ZBTB20: variants seen among roughly 807,000 people sequenced by gnomAD.
The protein encoded by ZBTB20 is zinc finger and BTB domain containing 20.
In ZBTB20, 9 loss-of-function variants were observed where a neutral mutation model predicts 56.9. That is an observed-to-expected ratio of 0.16 (90% CI 0.10 to 0.28). ZBTB20 has a LOEUF of 0.28. ZBTB20 is among the 10% of genes least tolerant of loss of function. The pLI is 1.00. For synonymous variants in ZBTB20, 417 were observed against 420.7 expected (o/e 0.99, Z 0.11); for missense variants, 655 against 1,003.0 (o/e 0.65, Z 4.69).
intron 6 of ZBTB20, among the ~76,000 whole-genome samples, chr3:114,612,281 T>C (rs905274243): frequency 1.3e-5 from 2 of 152,176 alleles, no homozygotes; most frequent in Non-Finnish European, 2.9e-5. Flanking sequence ...TCGTTATTGC[T>C]CATGTTGGTG....
Position 114,334,696 on chromosome 3 carries a change from G to A in ZBTB20, c.*4309C>T, listed in dbSNP as rs1187164499. On this transcript the variant is annotated 3_prime_UTR_variant, in exon 12 of 12. Transcript: ENST00000675478. Reference sequence around the variant, plus strand: ...GGCCAAGAGCTACTATGATCTCTAAGATGACTAGGAATGAACTGAGGCTAG... The same window carrying A: ...GGCCAAGAGCTACTATGATCTCTAAAATGACTAGGAATGAACTGAGGCTAG... 2 of 152,310 alleles carry A rather than the reference G, an allele frequency of 1.3e-5. No individual in the cohort carries two copies. Among genetic ancestry groups the A allele is most frequent in the Admixed American group, 6.5e-5 (1 of 15,304 alleles). 9.4% of individuals were successfully genotyped at this position (152,310 alleles called of 1,614,324 possible). A position where few individuals can be genotyped will look rare whatever the true frequency, so the allele number is the denominator to read the frequency against.
chr3:114,405,945 T>TTA (rs1553703955), intron 7 of ZBTB20, among the ~76,000 whole-genome samples: 1 of 151,720 alleles, frequency 6.6e-6, no homozygotes, highest in African/African-American at 2.4e-5. Context: ...CATTTTTTTT[T>TTA]AAAAAACAGC....
Position 114,849,881 on chromosome 3 carries a change from C to T in ZBTB20, c.-416-48707G>A, listed in dbSNP as rs556233417. 8.3e-5 allele frequency among the ~76,000 whole-genome samples: 12 copies of T among 144,954 alleles called. No homozygotes were observed. The East Asian group carries it at 2.5e-3, about 30-fold the overall frequency. ...TCTTAATAACAGCCCCAAATTAAGGCAATAGAATCAGGAAATCTTTTTTTT... is the reference window on the plus strand; with the variant it reads ...TCTTAATAACAGCCCCAAATTAAGGTAATAGAATCAGGAAATCTTTTTTTT... On this transcript the variant is annotated intron_variant, in intron 4 of 11. Transcript: ENST00000675478.
rs1399795075 is a variant in ZBTB20, at chr3:115,071,245, A to G, written c.-533T>C. 6.6e-6 allele frequency: 1 copy of G among 152,178 alleles called. No homozygotes were observed. The highest frequency in any genetic ancestry group is 1.5e-5 in the Non-Finnish European group (1 of 68,034). 9.4% of individuals were successfully genotyped at this position (152,178 alleles called of 1,614,324 possible). On this transcript the variant is annotated 5_prime_UTR_variant, in exon 2 of 12. Coordinates refer to ENST00000675478, the MANE Select transcript of ZBTB20 (RefSeq NM_001348800.3). ...GTGGCATGGATGACGGAGCAGAAATAGAGAATTCTTGATTAACCAGGAGAA... is the reference window on the plus strand; with the variant it reads ...GTGGCATGGATGACGGAGCAGAAATGGAGAATTCTTGATTAACCAGGAGAA...
intron 4 of ZBTB20, among the ~76,000 whole-genome samples, chr3:114,837,222 A>G (rs1291270674): frequency 6.6e-6 from 1 of 152,190 alleles, no homozygotes; most frequent in East Asian, 1.9e-4. Context: ...TTCTCTTAGA[A>G]CTAATTACTA....
intron 5 of ZBTB20, among the ~76,000 whole-genome samples, chr3:114,750,035 T>C (rs1300686482): frequency 6.6e-6 from 1 of 152,200 alleles, no homozygotes; most frequent in East Asian, 1.9e-4. Flanking sequence ...TTAGCAATAC[T>C]CTTTAGAGAT....
At chr3:114,817,500 AAG>A (rs1423620844) in intron 4 of ZBTB20, among the ~76,000 whole-genome samples, 1 of 150,800 alleles carries the variant, frequency 6.6e-6, no homozygotes, top group Non-Finnish European at 1.5e-5. Context: ...CCTGGGCAAA[AAG>A]AGAGAAACTC....
In ZBTB20 at chr3:115,130,463, C is replaced by A. The variant is rs78514955; in HGVS notation, c.-703+16756G>T. 5.9e-3 allele frequency among the ~76,000 whole-genome samples: 906 copies of A among 152,302 alleles called. 13 individuals carry two copies. Among genetic ancestry groups the A allele is most frequent in the African/African-American group, 0.021 (877 of 41,554 alleles). On this transcript the variant is annotated intron_variant, in intron 1 of 11. Transcript: ENST00000675478. ...CACTGAACAAAGTGAAACATACGCT[C>A]TAAGTTTTATCAAGGGATATCAACT...
At chr3:114,496,276 T>C (rs2043272555) in intron 7 of ZBTB20, among the ~76,000 whole-genome samples, 1 of 152,136 alleles carries the variant, frequency 6.6e-6, no homozygotes, top group Admixed American at 6.5e-5. Flanking sequence ...TGGCAGTAGG[T>C]TGGCTGTGGC....
rs764631264 is a variant in ZBTB20 at position 115,132,942 on chromosome 3, GTTA to G, written c.-703+14274_-703+14276del. Among the ~76,000 whole-genome samples the G allele has an allele frequency of 6.6e-4, 100 of 152,128 alleles. No individual in the cohort carries two copies. In the Middle Eastern group the frequency reaches 0.014, roughly 21 times the overall value. On this transcript the variant is annotated intron_variant, in intron 1 of 11. Transcript: ENST00000675478. Reference sequence around the variant, plus strand: ...TATATTTTAAAATAGCTACTAGTGAGTTATTATTTTGATTCACTGTTAATATTT... The same window carrying G: ...TATATTTTAAAATAGCTACTAGTGAGTTATTTTGATTCACTGTTAATATTT...
intron 6 of ZBTB20, among the ~76,000 whole-genome samples, chr3:114,665,581 A>G (rs1346006340): frequency 6.6e-6 from 1 of 152,054 alleles, no homozygotes; most frequent in Non-Finnish European, 1.5e-5. Flanking sequence ...AATAAGGTTT[A>G]TAATTCCCTT....
chr3:114,959,534 G>A (rs908493485), intron 3 of ZBTB20, among the ~76,000 whole-genome samples: 3 of 152,012 alleles, frequency 2.0e-5, no homozygotes, highest in African/African-American at 7.2e-5. Context: ...GAAAAATGAT[G>A]ACAAATTTGC....
At chr3:114,404,564 G>A (rs748307987) in intron 7 of ZBTB20, among the ~76,000 whole-genome samples, 2 of 152,084 alleles carry the variant, frequency 1.3e-5, no homozygotes, top group South Asian at 2.1e-4. Flanking sequence ...AGTTTCATAT[G>A]TTATTGTCTT....
chr3:114,624,061 G>T (rs1027902602), intron 6 of ZBTB20: 1 of 151,992 alleles, frequency 6.6e-6, no homozygotes, highest in Non-Finnish European at 1.5e-5. Context: ...GCTTGCCTTA[G>T]AGACACCAAG....
intron 3 of ZBTB20, among the ~76,000 whole-genome samples, chr3:114,915,590 G>A (rs1373077999): frequency 1.3e-5 from 2 of 151,422 alleles, no homozygotes; most frequent in Admixed American, 6.6e-5. Flanking sequence ...ATTTATTTCT[G>A]CACTGATCTT....
At chr3:114,648,995 C>T (rs543098558) in intron 6 of ZBTB20, among the ~76,000 whole-genome samples, 60 of 152,078 alleles carry the variant, frequency 3.9e-4, no homozygotes, top group African/African-American at 1.4e-3. Context: ...AAATGATCCT[C>T]GTTGTATTTG....
intron 3 of ZBTB20, among the ~76,000 whole-genome samples, chr3:114,924,597 T>C (rs897305043): frequency 2.0e-5 from 3 of 152,148 alleles, no homozygotes; most frequent in Non-Finnish European, 2.9e-5. Flanking sequence ...GGGTACAACA[T>C]TTCAGTTATA....
chr3:114,654,752 T>C lies in ZBTB20; in HGVS notation c.-295+38776A>G, dbSNP rs138552907. Among the ~76,000 whole-genome samples, 29 of 152,290 alleles carry C rather than the reference T, an allele frequency of 1.9e-4. No individual in the cohort carries two copies. The East Asian group carries it at 5.6e-3, about 29-fold the overall frequency. On this transcript the variant is annotated intron_variant, in intron 6 of 11. Transcript: ENST00000675478. ...ACTGATTTTCTGCCTATTTGTTCTATCAAGTTCTAGAACAAGAATGTTAAA... is the reference window on the plus strand; with the variant it reads ...ACTGATTTTCTGCCTATTTGTTCTACCAAGTTCTAGAACAAGAATGTTAAA...
At chr3:114,350,188 C>T (rs1236575853) in intron 11 of ZBTB20, 86 bp downstream of exon 11, 5 of 1,509,824 alleles carry the variant, frequency 3.3e-6, no homozygotes, top group Non-Finnish European at 4.4e-6. Context: ...TGATCCCAAA[C>T]CTTCCCTTCT....
Sources: gnomAD v4.1 joint callset for allele counts (sites outside exome capture counted in the v4.1 genomes callset) on GRCh38, gnomAD v4.1.1 for gene constraint, MANE v1.5 for transcripts, NCBI Gene and HGNC (gene_info 2026-07-23, HGNC 2026-07-21) for gene names.